The following RYR2 variants were observed in gnomAD, a reference collection of about 807,000 sequenced individuals.
RYR2 encodes the protein cardiac muscle ryanodine receptor-calcium release channel.
Under a neutral mutation model 601.1 loss-of-function variants are expected in RYR2, and 227 were observed. The ratio of observed to expected loss-of-function variants is 0.38; its 90% CI spans 0.34 to 0.42. The LOEUF (loss-of-function observed/expected upper bound fraction) is 0.42. Ranked by LOEUF, RYR2 falls within the 10% of genes least tolerant of loss-of-function variation. RYR2 has a pLI of 1.00. For missense variants in RYR2, 4,646 were observed against 6,156.5 expected (o/e 0.75, Z 8.21); for synonymous variants, 2,223 against 2,175.1 (o/e 1.02, Z -0.61).
chr1:237,608,796 GTTTTTTTT>G (rs33945891), intron 35 of RYR2, among the ~76,000 whole-genome samples: 6 of 119,214 alleles, frequency 5.0e-5, no homozygotes, highest in African/African-American at 8.9e-5. Context: ...AGACTGACCT[GTTTTTTTT>G]TTTTTTTTTT....
intron 1 of RYR2, among the ~76,000 whole-genome samples, chr1:237,046,532 G>T (rs892596172): frequency 6.6e-6 from 1 of 152,150 alleles, no homozygotes; most frequent in African/African-American, 2.4e-5. Context: ...ATTTTCCCAA[G>T]GAACTGATGG....
At chr1:237,181,616 G>T (rs1309078868) in intron 1 of RYR2, among the ~76,000 whole-genome samples, 1 of 152,080 alleles carries the variant, frequency 6.6e-6, no homozygotes, top group Non-Finnish European at 1.5e-5. Context: ...ATTGGCTCTG[G>T]TATGCCTCAA....
chr1:237,103,433 A>C (rs1668336789), intron 1 of RYR2, among the ~76,000 whole-genome samples: 1 of 152,206 alleles, frequency 6.6e-6, no homozygotes, highest in Admixed American at 6.5e-5. Flanking sequence ...AGCAACGTGA[A>C]GAACAGGGGA....
chr1:237,102,989 G>C (rs921884491), intron 1 of RYR2, among the ~76,000 whole-genome samples: 1 of 152,070 alleles, frequency 6.6e-6, no homozygotes, highest in African/African-American at 2.4e-5. Context: ...ACAAATCTCC[G>C]AACAGTTTCA....
chr1:237,044,861 A>C (rs1416387992), intron 1 of RYR2, among the ~76,000 whole-genome samples: 1 of 150,064 alleles, frequency 6.7e-6, no homozygotes, highest in Non-Finnish European at 1.5e-5. Context: ...ACTGTAGTAT[A>C]GTTCCCACAT....
intron 14 of RYR2, among the ~76,000 whole-genome samples, chr1:237,452,478 C>A (rs1170361277): frequency 1.5e-5 from 2 of 133,420 alleles, no homozygotes; most frequent in East Asian, 2.0e-4. Context: ...TTAGTATATA[C>A]TAATATATAC....
At chr1:237,396,681 T>C (rs1242714814) in intron 10 of RYR2, among the ~76,000 whole-genome samples, 2 of 152,178 alleles carry the variant, frequency 1.3e-5, no homozygotes, top group African/African-American at 2.4e-5. Flanking sequence ...TTATGCTTAA[T>C]GTCTTGAACA....
rs546767501 is a variant in RYR2, at chr1:237,506,890, C to T, written c.2718+76C>T. ...AAACATAACTTTTTCTGCCTTTTCC[C>T]GCTATGGGGTGACATCAATCAGTTA... is the stretch of plus-strand genomic sequence containing the variant. On this transcript the variant is annotated intron_variant, in intron 23 of 104. Transcript: ENST00000366574. 467 of 1,181,088 alleles carry T rather than the reference C, an allele frequency of 4.0e-4. 3 individuals carry two copies. The South Asian group carries it at 5.4e-3, about 14-fold the overall frequency. The allele number at this position is 1,181,088 out of a possible 1,614,324, so 73.2% of individuals were successfully genotyped here. A position where few individuals can be genotyped will look rare whatever the true frequency, so the allele number is the denominator to read the frequency against.
intron 1 of RYR2, among the ~76,000 whole-genome samples, chr1:237,096,605 A>C (rs561443644): frequency 7.9e-4 from 121 of 152,280 alleles, no homozygotes; most frequent in African/African-American, 2.8e-3. Flanking sequence ...TTATTTTTCT[A>C]ACCATAGTAA....
intron 4 of RYR2, among the ~76,000 whole-genome samples, chr1:237,358,582 G>A (rs1229768361): frequency 3.9e-5 from 6 of 151,980 alleles, no homozygotes; most frequent in South Asian, 2.1e-4. Flanking sequence ...AGACAAATGC[G>A]TGTCCACTAG....
At chr1:237,624,582 T>A (rs1019703722) in intron 39 of RYR2, among the ~76,000 whole-genome samples, 11 of 152,214 alleles carry the variant, frequency 7.2e-5, no homozygotes, top group African/African-American at 2.4e-4. Flanking sequence ...CAGTTGAGGG[T>A]GTACTTTCTA....
chr1:237,292,460 T>A (rs1020729504), intron 2 of RYR2, among the ~76,000 whole-genome samples: 1 of 152,212 alleles, frequency 6.6e-6, no homozygotes. Flanking sequence ...ACAGGCAGAA[T>A]GAAATCAGGC....
chr1:237,811,822 GT>G (rs1163786663), intron 100 of RYR2, among the ~76,000 whole-genome samples: 1 of 152,136 alleles, frequency 6.6e-6, no homozygotes, highest in East Asian at 1.9e-4. Context: ...GTTCTGAGGT[GT>G]TTCACATGTG....
intron 79 of RYR2, among the ~76,000 whole-genome samples, chr1:237,741,367 T>A (rs1379504079): frequency 6.6e-6 from 1 of 152,116 alleles, no homozygotes; most frequent in African/African-American, 2.4e-5. Context: ...TGTTTATGAT[T>A]TGTAGCTTAT....
chr1:237,073,944 AAT>A (rs1161790337), intron 1 of RYR2, among the ~76,000 whole-genome samples: 4 of 152,094 alleles, frequency 2.6e-5, no homozygotes, highest in Non-Finnish European at 5.9e-5. Flanking sequence ...GATTATACAA[AAT>A]ATATGGTTAA....
At chr1:237,629,446 T>C (rs80200726) in intron 41 of RYR2, among the ~76,000 whole-genome samples, 55 of 152,048 alleles carry the variant, frequency 3.6e-4, no homozygotes, top group Admixed American at 1.8e-3. Context: ...TATATTAAGC[T>C]CTATGATGTT....
intron 1 of RYR2, among the ~76,000 whole-genome samples, chr1:237,136,548 G>C (rs1043100941): frequency 6.6e-6 from 1 of 152,150 alleles, no homozygotes; most frequent in Non-Finnish European, 1.5e-5. Flanking sequence ...CTCCTGTCTC[G>C]CACAGTGGTG....
chr1:237,655,633 G>T (rs1370987382), intron 52 of RYR2, among the ~76,000 whole-genome samples, 188 bp from the exon 53 acceptor site: 1 of 152,120 alleles, frequency 6.6e-6, no homozygotes, highest in Non-Finnish European at 1.5e-5. Flanking sequence ...AAATCTAGCT[G>T]CAGCTTCTTT....
chr1:237,821,459 CAG>C (rs1461008104), intron 101 of RYR2, among the ~76,000 whole-genome samples: 1 of 152,054 alleles, frequency 6.6e-6, no homozygotes, highest in Non-Finnish European at 1.5e-5. Flanking sequence ...AGCTAACAAA[CAG>C]AAAGGAATAG....
Sources: allele counts gnomAD v4.1 joint callset (sites outside exome capture counted in the v4.1 genomes callset), GRCh38; gene constraint gnomAD v4.1.1; transcripts MANE v1.5; gene names NCBI Gene and HGNC (gene_info 2026-07-23, HGNC 2026-07-21).